FSHR: variants seen among roughly 807,000 people sequenced by gnomAD.
The protein encoded by FSHR is follicle-stimulating hormone receptor.
In FSHR, 46 loss-of-function variants were observed where a neutral mutation model predicts 52.1. That is an observed-to-expected ratio of 0.88 (90% CI 0.70 to 1.13). FSHR has a LOEUF of 1.13. Among genes scored for constraint, FSHR ranks in the 50% most tolerant of loss-of-function variants. The pLI is 0.00. For missense variants in FSHR, 964 were observed against 834.6 expected, an observed-to-expected ratio of 1.16 and a Z score of -1.91; for synonymous variants, 399 against 309.6, an observed-to-expected ratio of 1.29 and a Z score of -3.03.
chr2:49,088,394 A>T (rs1670478145), intron 1 of FSHR, among the ~76,000 whole-genome samples: 1 of 152,242 alleles, frequency 6.6e-6, no homozygotes, highest in African/African-American at 2.4e-5. Context: ...AAGGGGAAAG[A>T]AGAAATTTTA....
At chr2:49,041,964 G>T (rs1668493074) in intron 2 of FSHR, among the ~76,000 whole-genome samples, 1 of 152,118 alleles carries the variant, frequency 6.6e-6, no homozygotes, top group South Asian at 2.1e-4. Context: ...CTGGCAACAT[G>T]GTGGGACTGT....
chr2:48,991,364 A>C (rs1187223077), intron 4 of FSHR, among the ~76,000 whole-genome samples: 2 of 152,146 alleles, frequency 1.3e-5, no homozygotes, highest in Non-Finnish European at 2.9e-5. Context: ...TACTACCACT[A>C]CTGGTGATTA....
At chr2:49,035,700 A>T (rs1246292960) in intron 2 of FSHR, among the ~76,000 whole-genome samples, 1 of 152,208 alleles carries the variant, frequency 6.6e-6, no homozygotes, top group Non-Finnish European at 1.5e-5. Context: ...TCTCTCAGGA[A>T]TCTAAGGCCT....
intron 1 of FSHR, among the ~76,000 whole-genome samples, chr2:49,096,808 C>A (rs1670836620): frequency 1.3e-5 from 2 of 152,150 alleles, no homozygotes; most frequent in Non-Finnish European, 2.9e-5. Context: ...TTAGCACCAT[C>A]CCCTTAGTGC....
intron 1 of FSHR, among the ~76,000 whole-genome samples, chr2:49,096,265 T>C (rs1025239266): frequency 6.6e-6 from 1 of 152,210 alleles, no homozygotes; most frequent in African/African-American, 2.4e-5. Context: ...TACAATGGAA[T>C]ACCACTTGGC....
At chr2:48,976,927 A>T (rs1675016742) in intron 8 of FSHR, among the ~76,000 whole-genome samples, 2 of 151,948 alleles carry the variant, frequency 1.3e-5, no homozygotes, top group South Asian at 4.2e-4. Context: ...TCTCTTCCAA[A>T]AGCCAGCTCC....
In FSHR at chr2:49,008,340, T is replaced by G. The variant is rs996246519; in HGVS notation, c.374+9149A>C. ...TGGTTTCCAATTTCATACATGTCCC[T>G]ACAAAGGACATGAACTCATCATTTT... On this transcript the variant is annotated intron_variant, in intron 4 of 9. Transcript: ENST00000406846. Among the ~76,000 whole-genome samples the G allele has an allele frequency of 7.2e-4, 105 of 145,670 alleles. 1 individual carries two copies. In the South Asian group the frequency reaches 0.019, roughly 26 times the overall value.
chr2:48,962,159 A>G lies in FSHR; in HGVS notation c.*574T>C, dbSNP rs7596252. 314 of 168,560 alleles carry G rather than the reference A, an allele frequency of 1.9e-3. 3 individuals are homozygous for G. Among genetic ancestry groups the G allele is most frequent in the African/African-American group, 6.8e-3 (282 of 41,640 alleles). The allele number at this position is 168,560 out of a possible 1,614,324, so 10.4% of individuals were successfully genotyped here. On this transcript the variant is annotated 3_prime_UTR_variant, in exon 10 of 10. Transcript: ENST00000406846. ...TCACTATGGCCCACACTAACTGGAA[A>G]CACATGAGGAAGGGAAATCTGGGAA...
At chr2:49,099,197 C>T (rs1670936643) in intron 1 of FSHR, among the ~76,000 whole-genome samples, 1 of 151,980 alleles carries the variant, frequency 6.6e-6, no homozygotes, top group African/African-American at 2.4e-5. Context: ...CCACAATTCC[C>T]ACATGTTGTG....
chr2:49,092,272 A>T lies in FSHR; in HGVS notation c.153-23982T>A, dbSNP rs139736595. On this transcript the variant is annotated intron_variant, in intron 1 of 9. Transcript: ENST00000406846. ...TAGTTATAAGAGCGTTTTTTTGGAG[A>T]CCCATTGCGTGGTTTTTCTATGTAG... 1.8e-4 allele frequency among the ~76,000 whole-genome samples: 27 copies of T among 152,270 alleles called. 1 individual carries two copies. In the East Asian group the frequency reaches 5.2e-3, roughly 29 times the overall value.
intron 9 of FSHR, among the ~76,000 whole-genome samples, chr2:48,968,028 C>T (rs895410691): frequency 3.5e-4 from 53 of 152,302 alleles, no homozygotes; most frequent in African/African-American, 1.2e-3. Context: ...GTACAATCTC[C>T]AAGGCGACTT....
At chr2:49,045,647 AT>A (rs1204289022) in intron 2 of FSHR, among the ~76,000 whole-genome samples, 7 of 152,172 alleles carry the variant, frequency 4.6e-5, no homozygotes, top group Non-Finnish European at 8.8e-5. Context: ...GCTTGGGTCA[AT>A]TTTTATTAAT....
At chr2:49,131,369 T>C (rs1426155914) in intron 1 of FSHR, among the ~76,000 whole-genome samples, 1 of 152,302 alleles carries the variant, frequency 6.6e-6, no homozygotes. Context: ...AAACATAGGA[T>C]GTTGAATCCA....
At chr2:49,088,104 T>A (rs1429114096) in intron 1 of FSHR, among the ~76,000 whole-genome samples, 1 of 152,202 alleles carries the variant, frequency 6.6e-6, no homozygotes, top group Admixed American at 6.5e-5. Flanking sequence ...ATTTACTTGA[T>A]CAAGGACACA....
At chr2:49,034,291 C>G (rs1369904483) in intron 2 of FSHR, among the ~76,000 whole-genome samples, 2 of 152,138 alleles carry the variant, frequency 1.3e-5, no homozygotes, top group Non-Finnish European at 2.9e-5. Context: ...GAGATGAGGC[C>G]TTGGATTTTC....
rs147316639 is a variant in FSHR, at chr2:48,969,494, T to C, written c.669-611A>G. Among the ~76,000 whole-genome samples the C allele has an allele frequency of 2.7e-3, 414 of 152,320 alleles. 3 individuals are homozygous for C. Among genetic ancestry groups the C allele is most frequent in the African/African-American group, 9.6e-3 (397 of 41,564 alleles). ...CCCTCTCCCTATTAGATTTATGACC[T>C]TGGTCAAGTATGTCACTTCTCCATG... On this transcript the variant is annotated intron_variant, in intron 8 of 9. Transcript: ENST00000406846.
chr2:49,069,013 C>T (rs1275529217), intron 1 of FSHR, among the ~76,000 whole-genome samples: 1 of 152,078 alleles, frequency 6.6e-6, no homozygotes, highest in African/African-American at 2.4e-5. Context: ...AAAGTCTTCT[C>T]TTAACCTCAG....
At chr2:49,071,873 G>T (rs1669745616) in intron 1 of FSHR, among the ~76,000 whole-genome samples, 1 of 152,040 alleles carries the variant, frequency 6.6e-6, no homozygotes, top group African/African-American at 2.4e-5. Context: ...AATAGAGTGG[G>T]AATTCACTCA....
chr2:49,078,786 C>T (rs1670051351), intron 1 of FSHR, among the ~76,000 whole-genome samples: 1 of 152,104 alleles, frequency 6.6e-6, no homozygotes, highest in African/African-American at 2.4e-5. Context: ...AAATTTTAGA[C>T]ACATTCCGCT....
Sources: allele counts gnomAD v4.1 joint callset (sites outside exome capture counted in the v4.1 genomes callset), GRCh38; gene constraint gnomAD v4.1.1; transcripts MANE v1.5; gene names NCBI Gene and HGNC (gene_info 2026-07-23, HGNC 2026-07-21).